The following SNX25 variants were observed in gnomAD, a reference collection of about 807,000 sequenced individuals.
SNX25 encodes the protein sorting nexin-25.
A neutral mutation model predicts 113.7 loss-of-function variants in SNX25; 62 were observed. The ratio of observed to expected loss-of-function variants is 0.55; its 90% confidence interval spans 0.44 to 0.67. SNX25 has a LOEUF of 0.67. SNX25 is among the 30% of genes least tolerant of loss of function. The probability of loss-of-function intolerance (pLI) is 0.00; values close to 1 mark genes in which losing one functional copy is unlikely to be tolerated. For missense variants in SNX25, 1,014 were observed against 1,161.0 expected (o/e 0.87, Z 1.84); for synonymous variants, 421 against 436.2 (o/e 0.97, Z 0.43).
downstream of SNX25, chr4:185,367,296 C>A: frequency 1.0e-5 from 14 of 1,373,298 alleles, no homozygotes; most frequent in East Asian, 2.4e-5. Flanking sequence ...TTGTTTGGGT[C>A]TTTCTTCTTT....
chr4:185,353,168 A>C (rs2095323923), intron 14 of SNX25: 1 of 196,358 alleles, frequency 5.1e-6, no homozygotes, highest in Non-Finnish European at 1.0e-5. Context: ...AGTGAAAAAT[A>C]AAAAATAAGT....
chr4:185,340,169 A>C (rs1483145752), intron 11 of SNX25, among the ~76,000 whole-genome samples: 1 of 152,212 alleles, frequency 6.6e-6, no homozygotes, highest in South Asian at 2.1e-4. Context: ...TTATAAGCAA[A>C]TATCAAGGTC....
At chr4:185,273,648 C>T (rs143244401) in intron 5 of SNX25, among the ~76,000 whole-genome samples, 14 of 152,294 alleles carry the variant, frequency 9.2e-5, no homozygotes, top group East Asian at 1.9e-4. Flanking sequence ...CACCTTTGTA[C>T]GCTTTAACCA....
the SNX25 span, chr4:185,376,823 CAGTA>C: frequency 1.1e-6 from 1 of 880,360 alleles, no homozygotes; most frequent in Non-Finnish European, 1.8e-6. Flanking sequence ...TAGTATAACA[CAGTA>C]AGAAACTCTA....
chr4:185,346,441 G>A (rs1561039587), intron 12 of SNX25, 96 bp from the exon 13 acceptor site: 5 of 805,372 alleles, frequency 6.2e-6, no homozygotes, highest in Non-Finnish European at 9.9e-6. Context: ...AAGTACAGGA[G>A]GAGGATATTT....
At chr4:185,345,706 G>A (rs1295890544) in intron 12 of SNX25, among the ~76,000 whole-genome samples, 2 of 151,844 alleles carry the variant, frequency 1.3e-5, no homozygotes, top group Non-Finnish European at 2.9e-5. Context: ...TGGGAGAATC[G>A]CTTGAGCCTG....
Position 185,264,658 on chromosome 4 carries a change from A to G in SNX25, c.904+48A>G. 2 of 1,567,360 alleles carry G rather than the reference A, an allele frequency of 1.3e-6. 1 individual carries two copies. On this transcript the variant is annotated intron_variant, in intron 4 of 18. Coordinates refer to ENST00000652585, the MANE Select transcript of SNX25 (RefSeq NM_001378034.2). The stretch of plus-strand genomic sequence containing the variant: ...ACTAATTCAATAAGTGTGCAAACTA[A>G]TGTGCTACATGCAGACCTTGTTTAC...
intron 3 of SNX25, among the ~76,000 whole-genome samples, chr4:185,263,521 C>G (rs1747613051): frequency 6.6e-6 from 1 of 152,098 alleles, no homozygotes; most frequent in Non-Finnish European, 1.5e-5. Flanking sequence ...CAGAGGAAAC[C>G]TTTCTTTTCT....
intron 7 of SNX25, among the ~76,000 whole-genome samples, chr4:185,311,416 C>A (rs2095029478): frequency 6.6e-6 from 1 of 152,154 alleles, no homozygotes; most frequent in Non-Finnish European, 1.5e-5. Context: ...CAATACCAAC[C>A]AAATCACGGA....
chr4:185,244,666 A>C (rs184862850), intron 1 of SNX25, among the ~76,000 whole-genome samples: 1 of 152,208 alleles, frequency 6.6e-6, no homozygotes, highest in Non-Finnish European at 1.5e-5. Flanking sequence ...GTCTTTGTCT[A>C]TATATGATTA....
chr4:185,260,824 G>A (rs1747197851), intron 3 of SNX25, among the ~76,000 whole-genome samples: 2 of 152,198 alleles, frequency 1.3e-5, no homozygotes, highest in South Asian at 2.1e-4. Flanking sequence ...TATAGAGAAA[G>A]TAACTTCCAG....
At chr4:185,275,550 A>C (rs1036193343) in intron 5 of SNX25, among the ~76,000 whole-genome samples, 4 of 152,200 alleles carry the variant, frequency 2.6e-5, no homozygotes, top group African/African-American at 2.4e-5. Flanking sequence ...TCTTTGAATT[A>C]GTTCAGGTCT....
At chr4:185,374,798 C>G (rs2095427694), downstream of SNX25, among the ~76,000 whole-genome samples, 1 of 152,152 alleles carries the variant, frequency 6.6e-6, no homozygotes, top group South Asian at 2.1e-4. Flanking sequence ...TGAATCAGCA[C>G]AGTTCTTAGA....
intron 6 of SNX25, among the ~76,000 whole-genome samples, chr4:185,308,715 A>G (rs1360879235): frequency 6.6e-6 from 1 of 152,100 alleles, no homozygotes; most frequent in Non-Finnish European, 1.5e-5. Flanking sequence ...ATGAGGATAT[A>G]TTTACGATCT....
In SNX25 at chr4:185,218,650, G is replaced by A. The variant is rs565575703; in HGVS notation, c.429+8395G>A. Among the ~76,000 whole-genome samples, 370 of 152,324 alleles carry A rather than the reference G, an allele frequency of 2.4e-3. 5 individuals carry two copies. Among genetic ancestry groups the A allele is most frequent in the African/African-American group, 8.5e-3 (354 of 41,562 alleles). ...AGAAAAATGAATATGGTAACTCCAA[G>A]TAAAATGCTTCTGAAGCAAAGAGGG... On this transcript the variant is annotated intron_variant, in intron 1 of 18. Coordinates refer to ENST00000652585, the MANE Select transcript of SNX25 (RefSeq NM_001378034.2).
At chr4:185,343,914 T>C (rs565396228) in intron 12 of SNX25, among the ~76,000 whole-genome samples, 2 of 152,066 alleles carry the variant, frequency 1.3e-5, no homozygotes, top group South Asian at 4.2e-4. Flanking sequence ...TGGGCAAAAT[T>C]CTTTCTAAAA....
At chr4:185,344,545 G>A (rs1296036743) in intron 12 of SNX25, among the ~76,000 whole-genome samples, 1 of 152,204 alleles carries the variant, frequency 6.6e-6, no homozygotes, top group Non-Finnish European at 1.5e-5. Flanking sequence ...GGGAAAGAAA[G>A]GGAGTGGAGG....
In SNX25 at chr4:185,305,031, T is replaced by TAGG. The variant is rs1251917181; in HGVS notation, c.1163-5602_1163-5601insGAG. Reference sequence around the variant, plus strand: ...CCTCTGTTTGCTCTAACCTTCTTGTTAGAGGAGCAGGTTGTACCTCTGTAT... The same window carrying TAGG: ...CCTCTGTTTGCTCTAACCTTCTTGTTAGGAGAGGAGCAGGTTGTACCTCTGTAT... On this transcript the variant is annotated intron_variant, in intron 6 of 18. Transcript: ENST00000652585. Among the ~76,000 whole-genome samples, 3 of 152,232 alleles carry TAGG rather than the reference T, an allele frequency of 2.0e-5. No individual in the cohort carries two copies. In the East Asian group the frequency reaches 5.8e-4, roughly 29 times the overall value.
chr4:185,334,594 T>C lies in SNX25; in HGVS notation c.1914+1835T>C, dbSNP rs1579829503. On this transcript the variant is annotated intron_variant, in intron 10 of 18. Coordinates refer to ENST00000652585, the MANE Select transcript of SNX25 (RefSeq NM_001378034.2). This position sits in a 1 kb window ranked among gnomAD's most constrained non-coding sequence, Gnocchi z 4.2. ...GCATGTTCTTTAAGAACAGTTGTCTTATTTATTCTGGATTCATCTCATTAT... is the reference window on the plus strand; with the variant it reads ...GCATGTTCTTTAAGAACAGTTGTCTCATTTATTCTGGATTCATCTCATTAT... 6.6e-6 allele frequency among the ~76,000 whole-genome samples: 1 copy of C among 152,258 alleles called. No individual in the cohort carries two copies. The highest frequency in any genetic ancestry group is 2.1e-4 in the South Asian group (1 of 4,832).
Sources: allele counts gnomAD v4.1 joint callset (sites outside exome capture counted in the v4.1 genomes callset), GRCh38; gene constraint gnomAD v4.1.1; non-coding constraint Gnocchi (gnomAD v3.1); transcripts MANE v1.5; gene names NCBI Gene and HGNC (gene_info 2026-07-23, HGNC 2026-07-21).